Variants in SPRED2 observed in about 807,000 individuals in gnomAD.
SPRED2 encodes the protein sprouty related EVH1 domain containing 2, also known as sprouty-related, EVH1 domain-containing protein 2.
SPRED2 carries 47 observed loss-of-function variants against 43.0 expected under a neutral mutation model. The ratio of observed to expected loss-of-function variants is 1.09; its 90% confidence interval spans 0.87 to 1.40. The LOEUF is 1.40. SPRED2 is among the 40% of genes most tolerant of loss of function. The pLI is 0.00. For synonymous variants in SPRED2, 225 were observed against 225.7 expected (o/e 1.00, Z 0.03); for missense variants, 561 against 586.4 (o/e 0.96, Z 0.45).
chr2:65,362,990 TG>T (rs1397740909), intron 1 of SPRED2, among the ~76,000 whole-genome samples: 1 of 146,742 alleles, frequency 6.8e-6, no homozygotes, highest in East Asian at 2.0e-4. Context: ...GCTTTCTCTA[TG>T]GTCATCATGT....
chr2:65,422,634 A>G (rs551809586), intron 1 of SPRED2, among the ~76,000 whole-genome samples: 4 of 152,260 alleles, frequency 2.6e-5, no homozygotes, highest in Admixed American at 2.6e-4. Context: ...AGTACATTCT[A>G]AATTCAAGTT....
At chr2:65,321,151 C>A (rs978270971) in intron 4 of SPRED2, among the ~76,000 whole-genome samples, 12 of 152,160 alleles carry the variant, frequency 7.9e-5, no homozygotes, top group Non-Finnish European at 1.3e-4. Context: ...GGACTTCAGG[C>A]TCCTAGAAGG....
At position 65,339,810 on chromosome 2, in the gene SPRED2, T is replaced by G. The variant is rs187019796; in HGVS notation, c.204+4909A>C. ...GAGTATGAAAGGTCCATTGATAGAT[T>G]TCAGATTCCACATGGTTGAGTTTTA... On this transcript the variant is annotated intron_variant, in intron 2 of 5. Coordinates refer to ENST00000356388, the MANE Select transcript of SPRED2 (RefSeq NM_181784.3). 6.1e-4 allele frequency among the ~76,000 whole-genome samples: 93 copies of G among 152,100 alleles called. No individual in the cohort carries two copies. The East Asian group carries it at 0.015, about 24-fold the overall frequency.
chr2:65,359,458 C>T (rs1674744274), intron 1 of SPRED2, among the ~76,000 whole-genome samples: 1 of 151,920 alleles, frequency 6.6e-6, no homozygotes, highest in Non-Finnish European at 1.5e-5. Context: ...CTCCACCTCC[C>T]AAAGCCAACT....
chr2:65,392,334 A>C (rs978457744), intron 1 of SPRED2, among the ~76,000 whole-genome samples: 8 of 152,004 alleles, frequency 5.3e-5, no homozygotes, highest in Middle Eastern at 3.4e-3. Flanking sequence ...GTGCATTACC[A>C]TGCCTGGCTA....
At chr2:65,308,390 G>GC, downstream of SPRED2, 2 of 985,466 alleles carry the variant, frequency 2.0e-6, no homozygotes, top group Non-Finnish European at 2.4e-6. Context: ...CCTTGGAGCT[G>GC]TGAACATACC....
intron 1 of SPRED2, among the ~76,000 whole-genome samples, chr2:65,399,382 TC>T: frequency 7.0e-6 from 1 of 143,840 alleles, no homozygotes. Flanking sequence ...AAACTATTAT[TC>T]TTTTTTTTTT....
At chr2:65,363,719 T>C (rs572588729) in intron 1 of SPRED2, among the ~76,000 whole-genome samples, 1 of 152,338 alleles carries the variant, frequency 6.6e-6, no homozygotes, top group Admixed American at 6.5e-5. Flanking sequence ...AAGGACAGAC[T>C]GCAGACTCTG....
At chr2:65,422,787 A>G (rs1271422297) in intron 1 of SPRED2, among the ~76,000 whole-genome samples, 7 of 152,212 alleles carry the variant, frequency 4.6e-5, no homozygotes, top group Non-Finnish European at 1.0e-4. Flanking sequence ...AACAAACAGC[A>G]GAGTACTGTT....
intron 1 of SPRED2, among the ~76,000 whole-genome samples, chr2:65,345,175 G>T (rs552175430): frequency 6.6e-6 from 1 of 151,488 alleles, no homozygotes; most frequent in East Asian, 1.9e-4. Context: ...GTTTCTAGGT[G>T]TAAGTACTGA....
At position 65,340,720 on chromosome 2, in the gene SPRED2, T is replaced by C. The variant is rs145135308; in HGVS notation, c.204+3999A>G. ...AACAATGGTAGTTAACAGCCCTCAA[T>C]ATGTAACGAAACAAACTCCCACAAT... On this transcript the variant is annotated intron_variant, in intron 2 of 5. Coordinates refer to ENST00000356388, the MANE Select transcript of SPRED2 (RefSeq NM_181784.3). Among the ~76,000 whole-genome samples the C allele has an allele frequency of 2.7e-3, 415 of 152,294 alleles. 3 individuals carry two copies. Among genetic ancestry groups the C allele is most frequent in the African/African-American group, 9.1e-3 (379 of 41,558 alleles).
At chr2:65,330,582 C>A (rs72894569) in intron 4 of SPRED2, among the ~76,000 whole-genome samples, 14 of 152,248 alleles carry the variant, frequency 9.2e-5, no homozygotes, top group African/African-American at 3.4e-4. Flanking sequence ...ATCCCCACCA[C>A]GGTGGTACAT....
chr2:65,392,144 G>A (rs1461712476), intron 1 of SPRED2, among the ~76,000 whole-genome samples: 1 of 145,402 alleles, frequency 6.9e-6, no homozygotes, highest in Non-Finnish European at 1.5e-5. Context: ...AAATTTATCA[G>A]TGATTTCCTC....
chr2:65,391,742 AC>A (rs765060409), intron 1 of SPRED2, among the ~76,000 whole-genome samples: 19 of 152,338 alleles, frequency 1.2e-4, no homozygotes, highest in Non-Finnish European at 2.5e-4. Flanking sequence ...ATTACAGGTT[AC>A]CAAACTGCTT....
intron 3 of SPRED2, among the ~76,000 whole-genome samples, chr2:65,333,436 T>TACTCTGAATTACTCCA (rs1673874268): frequency 6.6e-6 from 1 of 152,074 alleles, no homozygotes; most frequent in African/African-American, 2.4e-5. Context: ...GAGCTGTCTC[T>TACTCTGAATTACTCCA]ACTCTGAATT....
In SPRED2 at chr2:65,432,067, C is replaced by A; in HGVS notation, c.-80G>T. On this transcript the variant is annotated 5_prime_UTR_variant, in exon 1 of 6. An upstream open reading frame in the 5' UTR loses its in-frame stop. Transcript: ENST00000356388. Reference sequence around the variant, plus strand: ...TTCCTGTCCGCTCGCCCCCCTTCTTCACATCTCCGGAGATCGCCTGATTTG... The same window carrying A: ...TTCCTGTCCGCTCGCCCCCCTTCTTAACATCTCCGGAGATCGCCTGATTTG... The A allele has an allele frequency of 6.3e-7, 1 of 1,580,172 alleles. No individual in the cohort carries two copies.
At position 65,313,954 on chromosome 2, in the gene SPRED2, G is replaced by C. The variant is rs762468952; in HGVS notation, c.804C>G (p.Tyr268Ter). The change falls in exon 6 of 6, where the codon TAC (tyrosine) becomes TAG (stop). Residue 268 changes from tyrosine (Y) to a stop codon, truncating the protein, a stop_gained. Coordinates refer to ENST00000356388, the MANE Select transcript of SPRED2 (RefSeq NM_181784.3). LOFTEE classifies it high-confidence loss of function. ...CTAGGCCAAAGTCTGAGGAGTCCAC[G>C]TAGGGGTAGTTGTAGTCATGCTTGG... ...EVPKHDYNYPYVDSSDFGLGE... is the reference protein window; with the variant it reads ...EVPKHDYNYP 1 of 1,612,118 alleles carries C rather than the reference G, an allele frequency of 6.2e-7. No homozygotes were observed.
chr2:65,419,996 G>A (rs924086445), intron 1 of SPRED2, among the ~76,000 whole-genome samples: 1 of 152,030 alleles, frequency 6.6e-6, no homozygotes, highest in Non-Finnish European at 1.5e-5. Context: ...GATCACTTGA[G>A]GTCAGGAGTT....
Position 65,311,406 on chromosome 2 carries a change from G to GT in SPRED2, c.*2094dup. The GT allele has an allele frequency of 2.0e-6, 2 of 985,876 alleles. No individual in the cohort carries two copies. The highest frequency in any genetic ancestry group is 3.5e-5 in the African/African-American group (2 of 57,358). 61.1% of individuals were successfully genotyped at this position (985,876 alleles called of 1,614,324 possible). A position where few individuals can be genotyped will look rare whatever the true frequency, so the allele number is the denominator to read the frequency against. ...AAGGGGTGAAAGAAGAGAGAAACAG[G>GT]TAACAACTAAATAGAGGTGACAAAC... On this transcript the variant is annotated 3_prime_UTR_variant, in exon 6 of 6. Coordinates refer to ENST00000356388, the MANE Select transcript of SPRED2 (RefSeq NM_181784.3).
Sources: gnomAD v4.1 joint callset for allele counts (sites outside exome capture counted in the v4.1 genomes callset) on GRCh38, gnomAD v4.1.1 for gene constraint, MANE v1.5 for transcripts, NCBI Gene and HGNC (gene_info 2026-07-23, HGNC 2026-07-21) for gene names.